Variants in F5 observed in about 807,000 individuals in gnomAD.
F5 encodes the protein activated protein c cofactor.
F5 carries 138 observed loss-of-function variants against 216.4 expected under a neutral mutation model. The ratio of observed to expected loss-of-function variants is 0.64; its 90% CI spans 0.56 to 0.73. F5 has a LOEUF of 0.73. Ranked by LOEUF, F5 falls within the 30% of genes least tolerant of loss-of-function variation. The pLI is 0.00. For missense variants in F5, 2,403 were observed against 2,674.0 expected (o/e 0.90, Z 2.24); for synonymous variants, 916 against 930.7 (o/e 0.98, Z 0.29).
At chr1:169,565,131 C>T (rs144428428) in intron 3 of F5, among the ~76,000 whole-genome samples, 41 of 152,196 alleles carry the variant, frequency 2.7e-4, no homozygotes, top group African/African-American at 8.2e-4. Context: ...CTCTTCCTCC[C>T]GTCTTCCTTT....
chr1:169,550,627 GAA>G lies in F5; in HGVS notation c.1396+11_1396+12del. Reference sequence around the variant, plus strand: ...GTTACTAGTTGGATTCAGTAGAAGTGAAAGATTCAAACCTGAGGTGAAAGAAG... The same window carrying G: ...GTTACTAGTTGGATTCAGTAGAAGTGAGATTCAAACCTGAGGTGAAAGAAG... On this transcript the variant is annotated intron_variant, in intron 9 of 24. Coordinates refer to ENST00000367797, the MANE Select transcript of F5 (RefSeq NM_000130.5). 3.1e-6 allele frequency: 5 copies of G among 1,601,560 alleles called. No homozygotes were observed. Among genetic ancestry groups the G allele is most frequent in the Non-Finnish European group, 4.3e-6 (5 of 1,168,734 alleles).
chr1:169,514,790 C>T (rs1659121223), intron 24 of F5, among the ~76,000 whole-genome samples: 1 of 152,124 alleles, frequency 6.6e-6, no homozygotes, highest in South Asian at 2.1e-4. Flanking sequence ...GATTTCATCT[C>T]ACCAGTGATC....
At chr1:169,561,797 G>A (rs3766120) in intron 3 of F5, among the ~76,000 whole-genome samples, 36,630 of 151,904 alleles carry the variant, frequency 0.24, 5,327 homozygotes, top group South Asian at 0.36. Context: ...AGGATCTGGG[G>A]AAAAAAGCCT....
At chr1:169,575,380 T>G (rs1052549785) in intron 2 of F5, among the ~76,000 whole-genome samples, 2 of 152,190 alleles carry the variant, frequency 1.3e-5, no homozygotes, top group Non-Finnish European at 2.9e-5. Flanking sequence ...TGCAGGGCTT[T>G]GTAAGCCTCA....
intron 14 of F5, among the ~76,000 whole-genome samples, chr1:169,536,092 T>G (rs1263268265): frequency 6.6e-6 from 1 of 152,164 alleles, no homozygotes; most frequent in Non-Finnish European, 1.5e-5. Context: ...TCATTTTATT[T>G]AACTTCATTT....
In F5 at chr1:169,512,510, A is replaced by G. The variant is rs1659052061; in HGVS notation, c.*1803T>C. 6.6e-6 allele frequency among the ~76,000 whole-genome samples: 1 copy of G among 152,082 alleles called. No individual in the cohort carries two copies. The highest frequency in any genetic ancestry group is 1.5e-5 in the Non-Finnish European group (1 of 67,984). On this transcript the variant is annotated 3_prime_UTR_variant, in exon 25 of 25. Transcript: ENST00000367797. ...CAAGAGGGTAACTGCAAAGCATTAA[A>G]TTTAGCATGCGGTCCTTCTGAGCAT...
At chr1:169,533,973 G>A (rs891516171) in intron 14 of F5, among the ~76,000 whole-genome samples, 8 of 152,062 alleles carry the variant, frequency 5.3e-5, no homozygotes, top group Non-Finnish European at 8.8e-5. Context: ...AGACAGCCCG[G>A]CGCCACACCC....
intron 10 of F5, 124 bp from the exon 11 acceptor site, chr1:169,546,716 T>C (rs1457735897): frequency 2.3e-6 from 2 of 854,896 alleles, no homozygotes; most frequent in African/African-American, 1.7e-5. Flanking sequence ...AAGCAAGCAA[T>C]AGGGAAAGGA....
chr1:169,559,068 A>G, intron 5 of F5, 85 bp downstream of exon 5: 4 of 1,479,736 alleles, frequency 2.7e-6, no homozygotes, highest in South Asian at 1.1e-5. Flanking sequence ...AGTATGGTCA[A>G]CTTCTCTAGT....
At position 169,540,680 on chromosome 1, in the gene F5, A is replaced by G. The variant is rs1475045923; in HGVS notation, c.4410T>C (p.Ser1470=). ...TAAATTCTTGAAGAAGCAATGACTG[A>G]CTAGATTCAGAAGGGTAGAATATCT... ...LDQIFYPSES[S]QSLLLQEFNE... is the part of the protein sequence containing the mutation. Residue 1470 remains serine (S), a synonymous_variant, in exon 13 of 25, where the codon AGT becomes AGC. Coordinates refer to ENST00000367797, the MANE Select transcript of F5 (RefSeq NM_000130.5). The G allele has an allele frequency of 6.2e-7, 1 of 1,613,920 alleles. No individual in the cohort carries two copies. Among genetic ancestry groups the G allele is most frequent in the African/African-American group, 1.3e-5 (1 of 74,906 alleles).
In F5 at chr1:169,512,422, G is replaced by A. The variant is rs929137529; in HGVS notation, c.*1891C>T. Among the ~76,000 whole-genome samples, 4 of 151,984 alleles carry A rather than the reference G, an allele frequency of 2.6e-5. No individual in the cohort carries two copies. Among genetic ancestry groups the A allele is most frequent in the African/African-American group, 4.8e-5 (2 of 41,402 alleles). ...AGTAGAGAAGCCCAGGACTAGCTGC[G>A]TAATTTGTGGGGCTCATTGAAAAAT... On this transcript the variant is annotated 3_prime_UTR_variant, in exon 25 of 25. Transcript: ENST00000367797.
chr1:169,528,666 A>G (rs923259491), intron 16 of F5, among the ~76,000 whole-genome samples: 3 of 152,176 alleles, frequency 2.0e-5, no homozygotes, highest in Admixed American at 2.0e-4. Context: ...AGATTAGATA[A>G]CTAGGGTTCT....
Position 169,574,108 on chromosome 1 carries a change from A to T in F5, c.251-1765T>A, listed in dbSNP as rs564237427. The stretch of plus-strand genomic sequence containing the variant: ...AAGATGATTTAAAGTATATGAGAGG[A>T]TGTGCATAGGTTATTGCAAATACTA... On this transcript the variant is annotated intron_variant, in intron 2 of 24. Coordinates refer to ENST00000367797, the MANE Select transcript of F5 (RefSeq NM_000130.5). 3.3e-5 allele frequency among the ~76,000 whole-genome samples: 5 copies of T among 152,328 alleles called. 1 individual carries two copies. The highest frequency in any genetic ancestry group is 1.2e-4 in the African/African-American group (5 of 41,576).
intron 10 of F5, among the ~76,000 whole-genome samples, chr1:169,546,966 T>TAAAAA (rs11363133): frequency 7.7e-6 from 1 of 129,904 alleles, no homozygotes; most frequent in African/African-American, 2.9e-5. Flanking sequence ...CCGTCTCTAC[T>TAAAAA]AAAAAAAAAA....
intron 17 of F5, 113 bp from the exon 18 acceptor site, chr1:169,526,130 T>A: frequency 1.4e-6 from 1 of 737,118 alleles, no homozygotes; most frequent in Admixed American, 2.0e-5. Context: ...TCAAATAGAA[T>A]TTAACCATTT....
intron 14 of F5, among the ~76,000 whole-genome samples, chr1:169,533,893 C>T (rs1165612311): frequency 6.6e-6 from 1 of 152,086 alleles, no homozygotes; most frequent in Non-Finnish European, 1.5e-5. Context: ...CTCATATTGT[C>T]TTATGCCCAA....
In F5 at chr1:169,559,015, A is replaced by AAAAG. The variant is rs560298412; in HGVS notation, c.730+137_730+138insCTTT. 238 of 937,044 alleles carry AAAAG rather than the reference A, an allele frequency of 2.5e-4. 2 individuals carry two copies. The African/African-American group carries it at 3.5e-3, about 14-fold the overall frequency. 58.0% of individuals were successfully genotyped at this position (937,044 alleles called of 1,614,324 possible). A position where few individuals can be genotyped will look rare whatever the true frequency, so the allele number is the denominator to read the frequency against. ...CTTCTATTTCCTGTTTAAAAAAAAA[A>AAAAG]AGAGAAAATATTTCCTTCTTGATAG... On this transcript the variant is annotated intron_variant, in intron 5 of 24. Transcript: ENST00000367797.
At chr1:169,585,427 A>G (rs1661082795) in intron 1 of F5, among the ~76,000 whole-genome samples, 1 of 152,262 alleles carries the variant, frequency 6.6e-6, no homozygotes, top group Non-Finnish European at 1.5e-5. Context: ...ACCATTTAAA[A>G]AATAACTAAC....
At chr1:169,583,009 G>C (rs1661022553) in intron 1 of F5, among the ~76,000 whole-genome samples, 2 of 152,198 alleles carry the variant, frequency 1.3e-5, no homozygotes, top group Non-Finnish European at 2.9e-5. Context: ...AAAGCCCTGG[G>C]ATTCATATTG....
Sources: gnomAD v4.1 joint callset for allele counts (sites outside exome capture counted in the v4.1 genomes callset) on GRCh38, gnomAD v4.1.1 for gene constraint, MANE v1.5 for transcripts, NCBI Gene and HGNC (gene_info 2026-07-23, HGNC 2026-07-21) for gene names.